Variants in LARGE1 observed in about 807,000 individuals in gnomAD.
LARGE1 encodes xylosyl- and glucuronyltransferase LARGE1.
A neutral mutation model predicts 87.6 loss-of-function variants in LARGE1; 43 were observed. The ratio of observed to expected loss-of-function variants is 0.49; its 90% CI spans 0.38 to 0.63. The LOEUF is 0.63. LARGE1 is among the 30% of genes least tolerant of loss of function. The pLI, the probability that LARGE1 is intolerant of heterozygous loss-of-function variation, is 0.00. For synonymous variants in LARGE1, 434 were observed against 394.6 expected, an observed-to-expected ratio of 1.10 and a Z score of -1.18; for missense variants, 802 against 1,000.2, an observed-to-expected ratio of 0.80 and a Z score of 2.67.
exon 12 of LARGE1, chr22:33,164,164 C>T (rs1393947177): frequency 1.3e-5 from 2 of 152,198 alleles, no homozygotes; most frequent in Non-Finnish European, 2.9e-5. Context: ...GGAACATAAT[C>T]CCTCACGAGG....
chr22:33,339,158 A>AAAAT (rs1350386196), intron 9 of LARGE1, among the ~76,000 whole-genome samples: 6 of 151,070 alleles, frequency 4.0e-5, no homozygotes, highest in African/African-American at 1.5e-4. Context: ...AAAAAATAAA[A>AAAAT]AAAAAAAAAA....
Position 33,650,558 on chromosome 22 carries a change from C to G in LARGE1, c.217G>C (p.Glu73Gln). ...CTGCGGAGGGCGCGGTTCTCCTCCT[C>G]CACCTCGCGCATGCGCACCTCCAGG... is the stretch of plus-strand genomic sequence containing the variant. ...ESLEVRMREVEEENRALRRQL... is the reference protein window; with the variant it reads ...ESLEVRMREVQEENRALRRQL... Residue 73 changes from glutamate to glutamine, a missense_variant, in exon 3 of 15, where the codon GAG (glutamate) becomes CAG (glutamine). This residue lies in a region of LARGE1 where 177 missense variants were observed against 158.3 expected (regional missense o/e 1.12). Transcript: ENST00000397394. The G allele has an allele frequency of 6.2e-7, 1 of 1,608,586 alleles. No homozygotes were observed. The highest frequency in any genetic ancestry group is 8.5e-7 in the Non-Finnish European group (1 of 1,179,934).
intron 6 of LARGE1, among the ~76,000 whole-genome samples, chr22:33,500,071 G>A (rs1410260363): frequency 1.3e-5 from 2 of 152,098 alleles, no homozygotes; most frequent in African/African-American, 4.8e-5. Flanking sequence ...CACCACGACT[G>A]GACTAAAATA....
the LARGE1 span, among the ~76,000 whole-genome samples, chr22:33,092,736 T>A: frequency 6.6e-6 from 1 of 151,960 alleles, no homozygotes; most frequent in African/African-American, 2.4e-5. Context: ...TGGTTTTCTG[T>A]TCCTGTATTA....
chr22:33,564,375 C>G (rs116887317), intron 6 of LARGE1, among the ~76,000 whole-genome samples: 1 of 152,058 alleles, frequency 6.6e-6, no homozygotes, highest in South Asian at 2.1e-4. Flanking sequence ...CTAGAAAGAA[C>G]GTCTTGTAAA....
intron 10 of LARGE1, among the ~76,000 whole-genome samples, chr22:33,326,968 C>T (rs949758582): frequency 2.0e-5 from 3 of 152,186 alleles, no homozygotes; most frequent in African/African-American, 4.8e-5. Flanking sequence ...CCTTTGGAGA[C>T]TGGCCTTGAG....
intron 4 of LARGE1, among the ~76,000 whole-genome samples, chr22:33,621,160 A>C (rs1449991475): frequency 6.6e-6 from 1 of 152,314 alleles, no homozygotes; most frequent in African/African-American, 2.4e-5. Flanking sequence ...AACTGAGTAC[A>C]TGGTTTACCA....
chr22:33,889,397 T>C (rs1439082401), intron 1 of LARGE1, among the ~76,000 whole-genome samples: 2 of 152,242 alleles, frequency 1.3e-5, no homozygotes, highest in African/African-American at 4.8e-5. Context: ...GAAAAGAAAG[T>C]GTATTTTTTG....
intron 1 of LARGE1, among the ~76,000 whole-genome samples, chr22:33,891,664 T>A (rs1185039420): frequency 6.6e-6 from 1 of 152,166 alleles, no homozygotes; most frequent in East Asian, 1.9e-4. Context: ...AGCAAACACA[T>A]CCCTGGCACA....
chr22:33,820,159 A>G (rs1278183396), intron 1 of LARGE1, among the ~76,000 whole-genome samples: 1 of 152,146 alleles, frequency 6.6e-6, no homozygotes, highest in Non-Finnish European at 1.5e-5. Flanking sequence ...TAACTAATGT[A>G]CCATTCTTCC....
chr22:33,349,474 TA>T, intron 9 of LARGE1, among the ~76,000 whole-genome samples: 2 of 152,302 alleles, frequency 1.3e-5, no homozygotes, highest in East Asian at 3.9e-4. Context: ...CAGCACTAGC[TA>T]AAGTGACACT....
chr22:33,793,268 G>T (rs2085879158), intron 1 of LARGE1, among the ~76,000 whole-genome samples: 1 of 152,050 alleles, frequency 6.6e-6, no homozygotes, highest in Non-Finnish European at 1.5e-5. Context: ...AAATATCATG[G>T]CTGGAGGAGA....
upstream of LARGE1, chr22:33,922,279 T>TGGGGGGTGGGGGGTGGGGGGTGGGGGGG (rs1555893682): frequency 1.6e-5 from 1 of 63,514 alleles, no homozygotes; most frequent in African/African-American, 5.8e-5. Context: ...GCTGGGGGGG[T>TGGGGGGTGGGGGGTGGGGGGTGGGGGGG]GGGGCGGCAA....
At chr22:33,801,811 C>T (rs543333249) in intron 1 of LARGE1, among the ~76,000 whole-genome samples, 107 of 152,206 alleles carry the variant, frequency 7.0e-4, no homozygotes, top group Admixed American at 1.2e-3. Flanking sequence ...TGATACCCCC[C>T]GCTTCCCCAG....
intron 1 of LARGE1, among the ~76,000 whole-genome samples, chr22:33,762,387 G>A (rs1255904330): frequency 6.6e-6 from 1 of 152,058 alleles, no homozygotes; most frequent in Non-Finnish European, 1.5e-5. Context: ...TGGTCAGGAT[G>A]GCAGAACAGT....
At chr22:33,744,447 G>A (rs16992938) in intron 2 of LARGE1, 7,677 of 152,354 alleles carry the variant, frequency 0.05, 288 homozygotes, top group South Asian at 0.21. Flanking sequence ...GGAATGGAAT[G>A]GGGATGCCTG....
At chr22:33,565,215 G>A (rs1014248242) in intron 5 of LARGE1, among the ~76,000 whole-genome samples, 196 bp from the exon 6 acceptor site, 1 of 152,178 alleles carries the variant, frequency 6.6e-6, no homozygotes, top group African/African-American at 2.4e-5. Context: ...GGAGGAAAAT[G>A]TATCTGAATT....
In LARGE1 at chr22:33,839,592, T is replaced by C. The variant is rs375861742; in HGVS notation, c.-82-78034A>G. On this transcript the variant is annotated intron_variant, in intron 1 of 14. Coordinates refer to ENST00000397394, the MANE Select transcript of LARGE1 (RefSeq NM_133642.5). ...AGCATGCCAATAGAGAACATTCTCA[T>C]TCTACCGCAGCCTGTATAGATCACA... Among the ~76,000 whole-genome samples, 995 of 152,328 alleles carry C rather than the reference T, an allele frequency of 6.5e-3. 3 individuals are homozygous for C. The highest frequency in any genetic ancestry group is 0.011 in the Non-Finnish European group (758 of 68,016).
At chr22:33,098,546 A>G in the LARGE1 span, among the ~76,000 whole-genome samples, 2 of 152,150 alleles carry the variant, frequency 1.3e-5, no homozygotes, top group Non-Finnish European at 2.9e-5. Context: ...GCGTGAACCC[A>G]GGAGGCGGAG....
Sources: gnomAD v4.1 joint callset for allele counts (sites outside exome capture counted in the v4.1 genomes callset) on GRCh38, gnomAD v4.1.1 for gene constraint, gnomAD v4.1.1 regional missense constraint, MANE v1.5 for transcripts, NCBI Gene and HGNC (gene_info 2026-07-23, HGNC 2026-07-21) for gene names.